SLC14A2: variants seen among roughly 807,000 people sequenced by gnomAD.
The protein encoded by SLC14A2 is solute carrier family 14 member 2, also known as urea transporter 2.
A neutral mutation model predicts 104.6 loss-of-function variants in SLC14A2; 91 were observed. That is an observed-to-expected ratio of 0.87 (90% CI 0.73 to 1.04). The LOEUF is 1.04. Ranked by LOEUF, SLC14A2 falls within the 50% of genes least tolerant of loss-of-function variation. The pLI is 0.00. For synonymous variants in SLC14A2, 476 were observed against 466.4 expected, an observed-to-expected ratio of 1.02 and a Z score of -0.27; for missense variants, 1,189 against 1,156.0, an observed-to-expected ratio of 1.03 and a Z score of -0.41.
At chr18:45,630,191 A>T (rs1312364984) in intron 4 of SLC14A2, among the ~76,000 whole-genome samples, 1 of 152,200 alleles carries the variant, frequency 6.6e-6, no homozygotes, top group Non-Finnish European at 1.5e-5. Context: ...CCTAGAAAAG[A>T]TCTAGGCTTT....
At position 45,316,342 on chromosome 18, in the gene SLC14A2, G is replaced by A. The variant is rs1467233914; in HGVS notation, c.-125+103151G>A. 3.9e-5 allele frequency among the ~76,000 whole-genome samples: 6 copies of A among 152,314 alleles called. No homozygotes were observed. In the East Asian group the frequency reaches 1.2e-3, roughly 29 times the overall value. ...TGGCCACCAGGAGGCTGCCTGCACTGCAGTGCATCAGAGGTTGAGATAAAG... is the reference window on the plus strand; with the variant it reads ...TGGCCACCAGGAGGCTGCCTGCACTACAGTGCATCAGAGGTTGAGATAAAG... On this transcript the variant is annotated intron_variant, in intron 1 of 20. Coordinates refer to the SLC14A2 transcript ENST00000586448.
At chr18:45,276,426 G>C (rs1354280916) in intron 1 of SLC14A2, among the ~76,000 whole-genome samples, 3 of 152,166 alleles carry the variant, frequency 2.0e-5, no homozygotes, top group Non-Finnish European at 4.4e-5. Flanking sequence ...TCAGCTTTGA[G>C]AAGTGAATGT....
intron 1 of SLC14A2, among the ~76,000 whole-genome samples, chr18:45,622,291 G>A (rs1010240953): frequency 3.9e-5 from 6 of 152,168 alleles, no homozygotes; most frequent in African/African-American, 1.2e-4. Flanking sequence ...TAAATTTAGA[G>A]AGTAAGAAGA....
intron 1 of SLC14A2, among the ~76,000 whole-genome samples, chr18:45,379,423 C>T (rs548937410): frequency 4.6e-5 from 7 of 152,316 alleles, no homozygotes; most frequent in African/African-American, 1.7e-4. Context: ...ATCAGATCTG[C>T]ACCACATGGA....
chr18:45,501,790 T>C (rs2043203295), intron 2 of SLC14A2, among the ~76,000 whole-genome samples: 1 of 152,196 alleles, frequency 6.6e-6, no homozygotes, highest in South Asian at 2.1e-4. Flanking sequence ...CAGAGCTACA[T>C]CTTCCCATGG....
At chr18:45,664,225 T>G (rs2045977845) in intron 11 of SLC14A2, among the ~76,000 whole-genome samples, 1 of 152,152 alleles carries the variant, frequency 6.6e-6, no homozygotes, top group African/African-American at 2.4e-5. Context: ...ATCAGGAGCT[T>G]CTAAAGCTCT....
At chr18:45,639,212 C>T (rs2045475057) in intron 6 of SLC14A2, among the ~76,000 whole-genome samples, 2 of 152,214 alleles carry the variant, frequency 1.3e-5, no homozygotes, top group Non-Finnish European at 2.9e-5. Context: ...GAGGACGTGT[C>T]AGCAGTGGCT....
intron 1 of SLC14A2, among the ~76,000 whole-genome samples, chr18:45,617,505 G>A (rs1392098158): frequency 6.6e-6 from 1 of 152,028 alleles, no homozygotes; most frequent in Non-Finnish European, 1.5e-5. Flanking sequence ...ACTTGGAGCT[G>A]CCAAGAAAAC....
chr18:45,576,796 G>C (rs888722817), intron 2 of SLC14A2, among the ~76,000 whole-genome samples: 7 of 152,164 alleles, frequency 4.6e-5, no homozygotes, highest in African/African-American at 1.7e-4. Context: ...AGGACAGTTT[G>C]TTATACTCAG....
the SLC14A2 span, among the ~76,000 whole-genome samples, chr18:45,192,259 G>A: frequency 2.0e-5 from 3 of 152,166 alleles, no homozygotes; most frequent in South Asian, 4.1e-4. Flanking sequence ...TCAGTTTTAT[G>A]GAAGCCTAAT....
intron 12 of SLC14A2, 110 bp from the exon 13 acceptor site, chr18:45,666,825 T>G: frequency 1.1e-6 from 1 of 911,626 alleles, no homozygotes; most frequent in Non-Finnish European, 1.7e-6. Context: ...AGCAATTTAA[T>G]GAAATACCAA....
At chr18:45,187,812 T>C in the SLC14A2 span, among the ~76,000 whole-genome samples, 1 of 152,200 alleles carries the variant, frequency 6.6e-6, no homozygotes. Context: ...GAATTCTGTT[T>C]TGGGAGAATA....
chr18:45,548,799 C>T (rs949594025), intron 2 of SLC14A2, among the ~76,000 whole-genome samples: 1 of 152,244 alleles, frequency 6.6e-6, no homozygotes, highest in Non-Finnish European at 1.5e-5. Context: ...GAAGTTTACA[C>T]AGGTGATGTC....
In SLC14A2 at chr18:45,682,546, T is replaced by C. The variant is rs16978449; in HGVS notation, c.*27T>C. On this transcript the variant is annotated 3_prime_UTR_variant, in exon 20 of 20. Coordinates refer to ENST00000255226, the MANE Select transcript of SLC14A2 (RefSeq NM_007163.4). ...TTTCCCTGTCTAAAACACATCAGTG[T>C]AAATTCAGGCTTCAGCACGCCGTCC... is the stretch of plus-strand genomic sequence containing the variant. The C allele has an allele frequency of 5.0e-3, 7,920 of 1,590,968 alleles. 330 individuals carry two copies. The African/African-American group carries it at 0.094, about 19-fold the overall frequency.
intron 2 of SLC14A2, among the ~76,000 whole-genome samples, chr18:45,600,926 C>T (rs2044781678): frequency 6.6e-6 from 1 of 152,212 alleles, no homozygotes; most frequent in Admixed American, 6.5e-5. Context: ...GAAGCCAACC[C>T]TGAGTCAATT....
At chr18:45,396,512 A>T (rs1406381994) in intron 1 of SLC14A2, among the ~76,000 whole-genome samples, 2 of 151,668 alleles carry the variant, frequency 1.3e-5, no homozygotes, top group South Asian at 2.1e-4. Flanking sequence ...CTTTTCTGTC[A>T]CTTTCTATGA....
chr18:45,227,538 C>A (rs968863483), intron 1 of SLC14A2, among the ~76,000 whole-genome samples: 11 of 152,224 alleles, frequency 7.2e-5, no homozygotes, highest in African/African-American at 2.7e-4. Context: ...AAAGCAGCCT[C>A]TTTTATTTGG....
At chr18:45,343,825 G>A (rs1179732942) in intron 1 of SLC14A2, among the ~76,000 whole-genome samples, 3 of 152,020 alleles carry the variant, frequency 2.0e-5, no homozygotes, top group South Asian at 2.1e-4. Flanking sequence ...TGAAATCACC[G>A]CCTGTACCAA....
intron 1 of SLC14A2, among the ~76,000 whole-genome samples, chr18:45,420,745 A>ATTT (rs751563502): frequency 6.9e-6 from 1 of 145,588 alleles, no homozygotes; most frequent in Admixed American, 6.9e-5. Context: ...TATTATTATT[A>ATTT]TTATTTTTTT....
Sources: allele counts gnomAD v4.1 joint callset (sites outside exome capture counted in the v4.1 genomes callset), GRCh38; gene constraint gnomAD v4.1.1; transcripts MANE v1.5; gene names NCBI Gene and HGNC (gene_info 2026-07-23, HGNC 2026-07-21).